Variants in PTPRD observed in about 807,000 individuals in gnomAD.
PTPRD encodes protein tyrosine phosphatase receptor type D, also known as receptor-type tyrosine-protein phosphatase delta.
A neutral mutation model predicts 214.5 loss-of-function variants in PTPRD; 34 were observed. That is an observed-to-expected ratio of 0.16 (90% CI 0.12 to 0.21). PTPRD has a LOEUF of 0.21. Ranked by LOEUF, PTPRD falls within the 10% of genes least tolerant of loss-of-function variation. The pLI is 1.00. For missense variants in PTPRD, 2,545 were observed against 2,398.7 expected (o/e 1.06, Z -1.27); for synonymous variants, 1,128 against 845.7 (o/e 1.33, Z -5.79).
At chr9:9,018,386 T>C (rs1366337178) in intron 11 of PTPRD, among the ~76,000 whole-genome samples, 1 of 152,180 alleles carries the variant, frequency 6.6e-6, no homozygotes, top group Non-Finnish European at 1.5e-5. Context: ...AAAAATTCAG[T>C]CTATAGATGT....
chr9:8,412,384 C>T (rs1473424372), intron 35 of PTPRD, among the ~76,000 whole-genome samples: 6 of 152,084 alleles, frequency 3.9e-5, no homozygotes, highest in African/African-American at 1.2e-4. Context: ...CACTAATTTA[C>T]GGTGTTAGTA....
chr9:10,031,644 A>T (rs893604452), intron 4 of PTPRD, among the ~76,000 whole-genome samples: 1 of 123,562 alleles, frequency 8.1e-6, no homozygotes, highest in African/African-American at 4.1e-5. Context: ...ATATATATAT[A>T]TATACACACA....
At chr9:8,642,400 C>T (rs1035396687) in intron 12 of PTPRD, among the ~76,000 whole-genome samples, 1 of 152,206 alleles carries the variant, frequency 6.6e-6, no homozygotes, top group South Asian at 2.1e-4. Context: ...TAACAATGTA[C>T]TTAAAATTTT....
chr9:8,673,101 A>G (rs1185868269), intron 12 of PTPRD, among the ~76,000 whole-genome samples: 5 of 152,016 alleles, frequency 3.3e-5, no homozygotes, highest in African/African-American at 4.8e-5. Flanking sequence ...CTTACCATAG[A>G]TATTTCAAGC....
At chr9:10,033,942 C>T (rs1219374695) in intron 3 of PTPRD, among the ~76,000 whole-genome samples, 152 bp from the exon 4 acceptor site, 1 of 151,918 alleles carries the variant, frequency 6.6e-6, no homozygotes, top group Non-Finnish European at 1.5e-5. Flanking sequence ...GAAATGATAC[C>T]TTAAAATGAG....
chr9:8,352,971 C>T (rs202178820), intron 39 of PTPRD, among the ~76,000 whole-genome samples: 3 of 152,090 alleles, frequency 2.0e-5, no homozygotes, highest in East Asian at 3.9e-4. Flanking sequence ...ATTAGCTGGG[C>T]GTGGTGGCAC....
chr9:8,547,704 G>A (rs1426391046), intron 14 of PTPRD, among the ~76,000 whole-genome samples: 1 of 150,828 alleles, frequency 6.6e-6, no homozygotes, highest in African/African-American at 2.4e-5. Flanking sequence ...CACAGGCATT[G>A]GATTTAATTC....
chr9:10,474,454 T>A (rs2099050182), intron 2 of PTPRD, among the ~76,000 whole-genome samples: 1 of 152,026 alleles, frequency 6.6e-6, no homozygotes, highest in Non-Finnish European at 1.5e-5. Context: ...CCTAAATATG[T>A]ATGCACCCGC....
At chr9:8,634,642 G>A (rs1405619811) in intron 13 of PTPRD, among the ~76,000 whole-genome samples, 3 of 151,852 alleles carry the variant, frequency 2.0e-5, no homozygotes, top group Non-Finnish European at 4.4e-5. Flanking sequence ...AATCTACTAT[G>A]CATCTTAGGA....
intron 5 of PTPRD, among the ~76,000 whole-genome samples, chr9:9,850,552 A>G (rs112329368): frequency 0.016 from 2,486 of 152,208 alleles, 29 homozygotes; most frequent in Non-Finnish European, 0.023. Context: ...TCATTTTTAT[A>G]TTTTTAAATA....
chr9:10,525,727 A>AGTGTATGTGTGTGTGTGT (rs1555475876), intron 2 of PTPRD, among the ~76,000 whole-genome samples: 1 of 146,962 alleles, frequency 6.8e-6, no homozygotes, highest in Non-Finnish European at 1.5e-5. Context: ...AGATTTTCAA[A>AGTGTATGTGTGTGTGTGT]GTGTGTGTGT....
intron 8 of PTPRD, among the ~76,000 whole-genome samples, chr9:9,408,322 A>C (rs2074251971): frequency 6.6e-6 from 1 of 151,842 alleles, no homozygotes; most frequent in Admixed American, 6.6e-5. Flanking sequence ...CAAATAAAAT[A>C]CCATTTATGA....
intron 2 of PTPRD, among the ~76,000 whole-genome samples, chr9:10,410,253 G>GTATATATATATATATA (rs34284610): frequency 2.2e-3 from 282 of 127,122 alleles, no homozygotes; most frequent in Middle Eastern, 0.017. Context: ...CATATTTTGT[G>GTATATATATATATATA]TATATATATA....
At chr9:8,475,941 T>C (rs919603884) in intron 30 of PTPRD, among the ~76,000 whole-genome samples, 25 of 152,170 alleles carry the variant, frequency 1.6e-4, no homozygotes, top group Non-Finnish European at 3.1e-4. Context: ...AATACAAAAT[T>C]TGTTCTGCCA....
chr9:8,379,716 T>G (rs1379544024), intron 37 of PTPRD, among the ~76,000 whole-genome samples: 1 of 152,142 alleles, frequency 6.6e-6, no homozygotes, highest in Non-Finnish European at 1.5e-5. Context: ...TAAAGCTGAT[T>G]GTGAGATGAG....
intron 3 of PTPRD, among the ~76,000 whole-genome samples, chr9:10,286,502 G>A (rs1406091825): frequency 6.6e-6 from 1 of 152,032 alleles, no homozygotes; most frequent in South Asian, 2.1e-4. Flanking sequence ...GATGCAAAAG[G>A]TTCTTAGCCT....
At chr9:10,440,932 C>G (rs2098753991) in intron 2 of PTPRD, among the ~76,000 whole-genome samples, 1 of 151,702 alleles carries the variant, frequency 6.6e-6, no homozygotes, top group Non-Finnish European at 1.5e-5. Flanking sequence ...GAATGTGAAT[C>G]CCTATGTTCA....
intron 8 of PTPRD, among the ~76,000 whole-genome samples, chr9:9,482,865 T>C (rs551703958): frequency 6.6e-6 from 1 of 152,292 alleles, no homozygotes; most frequent in Non-Finnish European, 1.5e-5. Flanking sequence ...AAATAAGTAA[T>C]TGCTAAAGTT....
At chr9:8,659,154 A>G (rs1246598858) in intron 12 of PTPRD, among the ~76,000 whole-genome samples, 3 of 152,168 alleles carry the variant, frequency 2.0e-5, no homozygotes, top group Admixed American at 6.5e-5. Context: ...GAGGGGCATG[A>G]TAATTATGCC....
Sources: allele counts gnomAD v4.1 joint callset (sites outside exome capture counted in the v4.1 genomes callset), GRCh38; gene constraint gnomAD v4.1.1; transcripts MANE v1.5; gene names NCBI Gene and HGNC (gene_info 2026-07-23, HGNC 2026-07-21).